The following PITPNA variants were observed in gnomAD, a reference collection of about 807,000 sequenced individuals.
PITPNA encodes the protein phosphatidylinositol transfer protein alpha, also known as phosphatidylinositol transfer protein alpha isoform.
PITPNA carries 13 observed loss-of-function variants against 50.3 expected under a neutral mutation model. The ratio of observed to expected loss-of-function variants is 0.26; its 90% CI spans 0.17 to 0.41. The LOEUF is 0.41. PITPNA is among the 10% of genes least tolerant of loss of function. The pLI is 1.00. For missense variants in PITPNA, 207 were observed against 333.4 expected (o/e 0.62, Z 2.95); for synonymous variants, 120 against 119.6 (o/e 1.00, Z -0.02).
At chr17:1,560,814 T>C (rs761852710) in intron 1 of PITPNA, among the ~76,000 whole-genome samples, 5 of 152,194 alleles carry the variant, frequency 3.3e-5, no homozygotes, top group Non-Finnish European at 5.9e-5. Flanking sequence ...AACATCAGAC[T>C]GGATGTCAAG....
At position 1,541,659 on chromosome 17, in the gene PITPNA, A is replaced by G. The variant is rs2075648372; in HGVS notation, c.298-19T>C. On this transcript the variant is annotated intron_variant, in intron 5 of 11. Transcript: ENST00000313486. ...ACTCATTCTGGAAGAAGGAAAAAAA[A>G]TACATGAAAGTCACTAGGTTCACAG... 6.5e-7 allele frequency: 1 copy of G among 1,536,840 alleles called. No individual in the cohort carries two copies. The highest frequency in any genetic ancestry group is 1.4e-5 in the African/African-American group (1 of 73,476).
At chr17:1,522,063 T>C (rs4790160) in intron 10 of PITPNA, among the ~76,000 whole-genome samples, 111,710 of 147,966 alleles carry the variant, frequency 0.75, 42,426 homozygotes, top group East Asian at 0.9. Context: ...CAAATACTTA[T>C]GAAACATCTT....
chr17:1,536,841 C>T (rs1468954374), intron 7 of PITPNA, among the ~76,000 whole-genome samples: 1 of 151,616 alleles, frequency 6.6e-6, no homozygotes, highest in African/African-American at 2.4e-5. Context: ...GATCCACATG[C>T]CTCAGCCTCC....
chr17:1,534,159 A>T lies in PITPNA; in HGVS notation c.708T>A (p.Val236=), dbSNP rs2075601268. The change falls in exon 10 of 12, where the codon GTT becomes GTA. Residue 236 remains valine (V), a synonymous_variant. Transcript: ENST00000313486. ...RQLFCWLDKW[V]DLTMDDIRRM... is the part of the protein sequence containing the mutation. Reference sequence around the variant, plus strand: ...TTCGAATGTCGTCCATGGTCAGGTCAACCCACTTATCGAGCCAACAGAACA... The same window carrying T: ...TTCGAATGTCGTCCATGGTCAGGTCTACCCACTTATCGAGCCAACAGAACA... 5.6e-6 allele frequency: 9 copies of T among 1,613,738 alleles called. No individual in the cohort carries two copies. Among genetic ancestry groups the T allele is most frequent in the Non-Finnish European group, 7.6e-6 (9 of 1,179,844 alleles).
rs2075566449 is a variant in PITPNA at position 1,529,155 on chromosome 17, A to AAGAGAGAC, written c.768+4943_768+4944insGTCTCTCT. On this transcript the variant is annotated intron_variant, in intron 10 of 11. Transcript: ENST00000313486. ...TCCATCTCAAAAAAAAAAAAAAAAAAAGAGAGAGAGAGACTCCATGAGGGC... is the reference window on the plus strand; with the variant it reads ...TCCATCTCAAAAAAAAAAAAAAAAAAAGAGAGACAGAGAGAGAGAGACTCCATGAGGGC... 3.8e-5 allele frequency among the ~76,000 whole-genome samples: 4 copies of AAGAGAGAC among 106,642 alleles called. No individual in the cohort carries two copies. The East Asian group carries it at 8.6e-4, about 23-fold the overall frequency. 70.0% of individuals were successfully genotyped at this position (106,642 alleles called of 152,430 possible).
At chr17:1,524,211 A>AT (rs1410218406) in intron 10 of PITPNA, among the ~76,000 whole-genome samples, 1 of 149,898 alleles carries the variant, frequency 6.7e-6, no homozygotes, top group Non-Finnish European at 1.5e-5. Context: ...CGCCCGGCTA[A>AT]TTTTTTGTGT....
intron 3 of PITPNA, among the ~76,000 whole-genome samples, chr17:1,550,418 G>C (rs544554557): frequency 3.3e-5 from 5 of 152,228 alleles, no homozygotes; most frequent in African/African-American, 1.2e-4. Flanking sequence ...CTAAGAGACA[G>C]ATGGGAGTGG....
Position 1,538,958 on chromosome 17 carries a change from G to A in PITPNA, c.373-6C>T. ...TCAGGCTCCAGCTTATGCACCTGTG[G>A]GAACAAGTGGGGAACCACTATGCAG... is the stretch of plus-strand genomic sequence containing the variant. On this transcript the variant is annotated splice_region_variant and splice_polypyrimidine_tract_variant and intron_variant, in intron 6 of 11. Coordinates refer to ENST00000313486, the MANE Select transcript of PITPNA (RefSeq NM_006224.4). The A allele has an allele frequency of 3.1e-6, 5 of 1,601,008 alleles. No individual in the cohort carries two copies. The highest frequency in any genetic ancestry group is 4.3e-6 in the Non-Finnish European group (5 of 1,168,234).
At chr17:1,531,376 C>T (rs74822093) in intron 10 of PITPNA, among the ~76,000 whole-genome samples, 1 of 151,916 alleles carries the variant, frequency 6.6e-6, no homozygotes, top group Non-Finnish European at 1.5e-5. Context: ...AGGTTCCCCC[C>T]ACTGTAACTA....
chr17:1,532,258 T>C lies in PITPNA; in HGVS notation c.768+1841A>G, dbSNP rs1417286259. ...GTCCGCCACCACGCCTGGCTAATTT[T>C]TTTTATTTTTAGTAGAGACAGGGTT... On this transcript the variant is annotated intron_variant, in intron 10 of 11. Coordinates refer to ENST00000313486, the MANE Select transcript of PITPNA (RefSeq NM_006224.4). Among the ~76,000 whole-genome samples, 8 of 152,174 alleles carry C rather than the reference T, an allele frequency of 5.3e-5. No homozygotes were observed. The South Asian group carries it at 1.2e-3, about 24-fold the overall frequency.
intron 3 of PITPNA, among the ~76,000 whole-genome samples, chr17:1,550,891 CG>C (rs1184499967): frequency 6.6e-6 from 1 of 152,170 alleles, no homozygotes; most frequent in East Asian, 1.9e-4. Context: ...CAGGGAGACT[CG>C]TTAGAAGCTG....
At chr17:1,547,098 G>A (rs759392992) in intron 4 of PITPNA, among the ~76,000 whole-genome samples, 1 of 151,340 alleles carries the variant, frequency 6.6e-6, no homozygotes, top group African/African-American at 2.4e-5. Context: ...AGTGGCTCAT[G>A]CCTGTAATGC....
At position 1,529,209 on chromosome 17, in the gene PITPNA, G is replaced by A. The variant is rs139391071; in HGVS notation, c.768+4890C>T. Among the ~76,000 whole-genome samples the A allele has an allele frequency of 1.7e-3, 262 of 149,752 alleles. 2 individuals are homozygous for A. The highest frequency in any genetic ancestry group is 3.3e-3 in the Admixed American group (50 of 14,980). ...GTCATCCTTCACATATAGGGATCCTGCAGCCTCTGCAGCTCCTATGAAAGT... is the reference window on the plus strand; with the variant it reads ...GTCATCCTTCACATATAGGGATCCTACAGCCTCTGCAGCTCCTATGAAAGT... On this transcript the variant is annotated intron_variant, in intron 10 of 11. Transcript: ENST00000313486.
At chr17:1,523,049 G>A (rs574073586) in intron 10 of PITPNA, among the ~76,000 whole-genome samples, 1 of 152,290 alleles carries the variant, frequency 6.6e-6, no homozygotes, top group African/African-American at 2.4e-5. Context: ...GGTGGAAAGT[G>A]CAGGTGCAGG....
At chr17:1,533,440 G>C (rs8082326) in intron 10 of PITPNA, among the ~76,000 whole-genome samples, 22,723 of 152,044 alleles carry the variant, frequency 0.15, 1,984 homozygotes, top group African/African-American at 0.23. Context: ...GACTGCAGTA[G>C]GTAAAGGCCC....
chr17:1,519,089 T>G lies in PITPNA; in HGVS notation c.*1472A>C, dbSNP rs1464698069. The G allele has an allele frequency of 6.6e-6, 1 of 152,498 alleles. No individual in the cohort carries two copies. The highest frequency in any genetic ancestry group is 1.5e-5 in the Non-Finnish European group (1 of 68,048). The allele number at this position is 152,498 out of a possible 1,614,324, so 9.4% of individuals were successfully genotyped here. A position where few individuals can be genotyped will look rare whatever the true frequency, so the allele number is the denominator to read the frequency against. On this transcript the variant is annotated 3_prime_UTR_variant, in exon 12 of 12. Coordinates refer to ENST00000313486, the MANE Select transcript of PITPNA (RefSeq NM_006224.4). ...CATCAGGATGTCACAGGTGCAATCC[T>G]GTGAGACACTCCCTTATTGCACTTA...
At chr17:1,526,737 C>T (rs1396912389) in intron 10 of PITPNA, among the ~76,000 whole-genome samples, 1 of 152,108 alleles carries the variant, frequency 6.6e-6, no homozygotes, top group Admixed American at 6.6e-5. Context: ...TTCCCCATAC[C>T]ACTGAAATAA....
intron 10 of PITPNA, among the ~76,000 whole-genome samples, chr17:1,524,342 CCTT>C (rs1444992134): frequency 1.4e-5 from 2 of 139,528 alleles, no homozygotes; most frequent in African/African-American, 5.7e-5. Flanking sequence ...TCGCACCTGG[CCTT>C]TTTTTTTTTT....
intron 2 of PITPNA, among the ~76,000 whole-genome samples, chr17:1,555,861 A>C (rs4300718): frequency 0.21 from 31,329 of 152,180 alleles, 4,151 homozygotes; most frequent in East Asian, 0.42. Flanking sequence ...GCTCTGCTGC[A>C]CAACGCCCAG....
Sources: gnomAD v4.1 joint callset for allele counts (sites outside exome capture counted in the v4.1 genomes callset) on GRCh38, gnomAD v4.1.1 for gene constraint, MANE v1.5 for transcripts, NCBI Gene and HGNC (gene_info 2026-07-23, HGNC 2026-07-21) for gene names.